Variants in COL4A6 observed in about 807,000 individuals in gnomAD.
The protein encoded by COL4A6 is collagen alpha-6(IV) chain.
COL4A6 carries 59 observed loss-of-function variants against 126.7 expected under a neutral mutation model. The observed-to-expected ratio is 0.47, with a 90% confidence interval of 0.38 to 0.58. The LOEUF (loss-of-function observed/expected upper bound fraction) is 0.58, where lower values mean the gene tolerates loss of function less well. Among genes scored for constraint, COL4A6 ranks in the 20% least tolerant of loss-of-function variants. The pLI, the probability that COL4A6 is intolerant of heterozygous loss-of-function variation, is 0.00. For missense variants in COL4A6, 1,285 were observed against 1,337.3 expected, an observed-to-expected ratio of 0.96 and a Z score of 0.61; for synonymous variants, 547 against 496.6, an observed-to-expected ratio of 1.10 and a Z score of -1.35.
At chrX:108,421,963 A>G (rs1042083825) in intron 2 of COL4A6, among the ~76,000 whole-genome samples, 33 of 112,531 alleles carry the variant, frequency 2.9e-4, no homozygotes, top group African/African-American at 1.0e-3. Flanking sequence ...AATATTTCAT[A>G]CTAATTTTTA....
rs759981449 is a variant in COL4A6, at chrX:108,192,575, G to C, written c.1078C>G (p.Pro360Ala). ...DIDGAVISGNPGDPGVPGLPG... is the reference protein window; with the variant it reads ...DIDGAVISGNAGDPGVPGLPG... ...AGGCCAGGTACACCAGGATCTCCAG[G>C]ATTACCTGGCATTGTAATGAAAGAA... The change falls in exon 18 of 45, where the codon CCT (proline) becomes GCT (alanine). Residue 360 changes from proline to alanine, a missense_variant. Pro to Ala is a conservative substitution (Grantham distance 27). Transcript: ENST00000334504. 2.6e-6 allele frequency: 3 copies of C among 1,175,393 alleles called. No homozygotes were observed. The highest frequency in any genetic ancestry group is 3.5e-6 in the Non-Finnish European group (3 of 866,339).
chrX:108,233,556 A>G (rs972900394), intron 3 of COL4A6, among the ~76,000 whole-genome samples: 2 of 112,023 alleles, frequency 1.8e-5, no homozygotes, highest in Non-Finnish European at 3.8e-5. Context: ...CAAGGAAGAG[A>G]GGGAAGCAAT....
At chrX:108,377,290 T>G (rs1005219645) in intron 2 of COL4A6, among the ~76,000 whole-genome samples, 7 of 112,132 alleles carry the variant, frequency 6.2e-5, no homozygotes, top group Non-Finnish European at 1.1e-4. Context: ...GTAGATGGAA[T>G]ATACAATTGG....
intron 2 of COL4A6, among the ~76,000 whole-genome samples, chrX:108,427,929 T>A (rs758247296): frequency 1.8e-5 from 2 of 112,163 alleles, no homozygotes; most frequent in Non-Finnish European, 3.8e-5. Context: ...CTCACAGGGT[T>A]GTCTTGAGCA....
At chrX:108,383,005 C>T (rs943083223) in intron 2 of COL4A6, among the ~76,000 whole-genome samples, 2 of 62,954 alleles carry the variant, frequency 3.2e-5, no homozygotes, top group African/African-American at 1.0e-4. Flanking sequence ...TAATAATAAA[C>T]CCTTTTGATT....
chrX:108,168,994 C>A (rs141657406), intron 37 of COL4A6, among the ~76,000 whole-genome samples: 2 of 111,474 alleles, frequency 1.8e-5, no homozygotes, highest in Admixed American at 1.9e-4. Flanking sequence ...TAGGGTAGAA[C>A]CTGCTTTCTA....
intron 6 of COL4A6, 58 bp downstream of exon 6, chrX:108,214,054 G>C: frequency 1.0e-6 from 1 of 1,002,543 alleles, no homozygotes; most frequent in African/African-American, 1.9e-5. Context: ...CAGAAAAAGG[G>C]CACACGTAGA....
chrX:108,291,330 G>T (rs2038156855), intron 3 of COL4A6, among the ~76,000 whole-genome samples: 1 of 111,720 alleles, frequency 9.0e-6, no homozygotes, highest in African/African-American at 3.3e-5. Context: ...TTAAAAATTG[G>T]GTGTAGAATA....
At chrX:108,276,571 AT>A (rs764633068) in intron 3 of COL4A6, among the ~76,000 whole-genome samples, 2 of 112,452 alleles carry the variant, frequency 1.8e-5, no homozygotes, top group Non-Finnish European at 3.8e-5. Flanking sequence ...AGGTACTCTT[AT>A]CCCCTGTGAA....
intron 23 of COL4A6, chrX:108,183,697 G>A (rs2034757994): frequency 1.1e-6 from 1 of 920,873 alleles, no homozygotes; most frequent in Non-Finnish European, 1.4e-6. Context: ...GTGTCTGAGA[G>A]CTTGTAGACC....
intron 23 of COL4A6, among the ~76,000 whole-genome samples, chrX:108,182,896 C>T (rs111944681): frequency 3.5e-5 from 4 of 112,690 alleles, no homozygotes; most frequent in African/African-American, 1.3e-4. Context: ...TCATCTGTGA[C>T]AGCCAGATAA....
chrX:108,292,142 T>C (rs1177252257), intron 3 of COL4A6, among the ~76,000 whole-genome samples: 1 of 112,249 alleles, frequency 8.9e-6, no homozygotes, highest in African/African-American at 3.2e-5. Context: ...TGAAACATAA[T>C]TCCATTTATA....
At chrX:108,193,298 A>T (rs1206872477) in intron 17 of COL4A6, among the ~76,000 whole-genome samples, 1 of 112,026 alleles carries the variant, frequency 8.9e-6, no homozygotes, top group Admixed American at 9.5e-5. Flanking sequence ...ATTCCATAGT[A>T]TCAAACTGAA....
At chrX:108,381,012 G>A (rs112143034) in intron 2 of COL4A6, among the ~76,000 whole-genome samples, 132 of 111,849 alleles carry the variant, frequency 1.2e-3, no homozygotes, top group African/African-American at 3.9e-3. Flanking sequence ...CACCTTCATG[G>A]TTCTATTTGC....
intron 25 of COL4A6, 75 bp from the exon 26 acceptor site, chrX:108,179,513 A>T: frequency 1.3e-6 from 1 of 787,798 alleles, no homozygotes; most frequent in Non-Finnish European, 1.8e-6. Context: ...TCTCTGAGAC[A>T]GATTTTTCTA....
chrX:108,208,070 T>C (rs1432671248), intron 8 of COL4A6, among the ~76,000 whole-genome samples: 1 of 111,997 alleles, frequency 8.9e-6, no homozygotes, highest in Non-Finnish European at 1.9e-5. Flanking sequence ...AATAATATTA[T>C]CAGAGATAAA....
chrX:108,249,392 T>C (rs1348761434), intron 3 of COL4A6, among the ~76,000 whole-genome samples: 1 of 111,457 alleles, frequency 9.0e-6, no homozygotes, highest in Non-Finnish European at 1.9e-5. Flanking sequence ...AGGGAATCTT[T>C]AGTTATTGCT....
chrX:108,350,430 C>T (rs768928001), intron 2 of COL4A6, among the ~76,000 whole-genome samples: 1 of 111,296 alleles, frequency 9.0e-6, no homozygotes, highest in African/African-American at 3.3e-5. Flanking sequence ...TTCTCAGGTC[C>T]TCATCCCAGA....
intron 3 of COL4A6, among the ~76,000 whole-genome samples, chrX:108,275,070 G>C (rs184236756): frequency 9.0e-6 from 1 of 110,926 alleles, no homozygotes. Flanking sequence ...AAATCTAGGG[G>C]TATATACATT....
Sources: allele counts gnomAD v4.1 joint callset (sites outside exome capture counted in the v4.1 genomes callset), GRCh38; gene constraint gnomAD v4.1.1; transcripts MANE v1.5; gene names NCBI Gene and HGNC (gene_info 2026-07-23, HGNC 2026-07-21).